LINGO2: variants seen among roughly 807,000 people sequenced by gnomAD.
The protein encoded by LINGO2 is leucine-rich repeat and immunoglobulin-like domain-containing nogo receptor-interacting protein 2.
LINGO2 carries 14 observed loss-of-function variants against 30.6 expected under a neutral mutation model. The ratio of observed to expected loss-of-function variants is 0.46; its 90% confidence interval spans 0.30 to 0.72. The LOEUF (loss-of-function observed/expected upper bound fraction) is 0.72. Ranked by LOEUF, LINGO2 falls within the 30% of genes least tolerant of loss-of-function variation. The probability of loss-of-function intolerance (pLI) is 0.07; values close to 1 mark genes in which losing one functional copy is unlikely to be tolerated. For missense variants in LINGO2, 729 were observed against 751.7 expected (o/e 0.97, Z 0.35); for synonymous variants, 317 against 288.5 (o/e 1.10, Z -1.00).
intron 4 of LINGO2, among the ~76,000 whole-genome samples, chr9:28,048,120 A>G (rs966441829): frequency 1.3e-5 from 2 of 150,894 alleles, no homozygotes; most frequent in African/African-American, 4.9e-5. Context: ...AAAATTAGAA[A>G]TAAATCCAAA....
chr9:28,142,146 ACTTT>A (rs1038896932), intron 4 of LINGO2, among the ~76,000 whole-genome samples: 9 of 126,390 alleles, frequency 7.1e-5, no homozygotes, highest in African/African-American at 2.6e-4. Context: ...TGATTGGGTT[ACTTT>A]CTTTGTCTTT....
At chr9:28,605,999 T>C (rs548551650) in intron 1 of LINGO2, among the ~76,000 whole-genome samples, 3 of 148,302 alleles carry the variant, frequency 2.0e-5, no homozygotes, top group African/African-American at 7.4e-5. Context: ...CAAGTATCAA[T>C]TACACTATAG....
At chr9:27,984,693 G>T (rs1053754305) in intron 5 of LINGO2, among the ~76,000 whole-genome samples, 1 of 151,768 alleles carries the variant, frequency 6.6e-6, no homozygotes, top group Non-Finnish European at 1.5e-5. Context: ...GCTGGCTCTT[G>T]ATCTTTAGAA....
chr9:28,017,904 C>T (rs1268177664), intron 4 of LINGO2, among the ~76,000 whole-genome samples: 2 of 152,114 alleles, frequency 1.3e-5, no homozygotes, highest in African/African-American at 4.8e-5. Context: ...CCAAGGCAAT[C>T]CTAAGCATAA....
chr9:28,402,184 T>G (rs137904737), intron 2 of LINGO2, among the ~76,000 whole-genome samples: 1 of 151,014 alleles, frequency 6.6e-6, no homozygotes, highest in African/African-American at 2.4e-5. Context: ...TGTCATTTTA[T>G]GAGTACTTAT....
chr9:28,220,667 A>T (rs4281181), intron 4 of LINGO2, among the ~76,000 whole-genome samples: 130,140 of 152,102 alleles, frequency 0.86, 55,931 homozygotes, highest in Non-Finnish European at 0.9. Flanking sequence ...CTCATATGGG[A>T]CAGTTTACAT....
chr9:28,300,167 G>A (rs554919408), intron 3 of LINGO2, among the ~76,000 whole-genome samples: 1 of 150,614 alleles, frequency 6.6e-6, no homozygotes, highest in South Asian at 2.1e-4. Context: ...AGAAGACTGT[G>A]TTGATAGACT....
chr9:28,762,269 T>C, the LINGO2 span, among the ~76,000 whole-genome samples: 3 of 151,926 alleles, frequency 2.0e-5, no homozygotes, highest in Admixed American at 6.6e-5. Context: ...TTTAGTGTCA[T>C]GGAGACGTAT....
intron 4 of LINGO2, among the ~76,000 whole-genome samples, chr9:28,135,482 T>C (rs1054776344): frequency 5.3e-5 from 8 of 151,750 alleles, no homozygotes; most frequent in African/African-American, 1.9e-4. Context: ...TATTGTTTTA[T>C]TTATAAAACC....
chr9:28,679,551 A>C, the LINGO2 span, among the ~76,000 whole-genome samples: 1 of 152,116 alleles, frequency 6.6e-6, no homozygotes, highest in Admixed American at 6.6e-5. Context: ...TAGGACTGGC[A>C]TACGAAAAGC....
intron 4 of LINGO2, among the ~76,000 whole-genome samples, chr9:28,143,663 CA>C (rs1334512721): frequency 1.8e-4 from 28 of 151,610 alleles, no homozygotes; most frequent in Admixed American, 1.8e-3. Context: ...ACATAAACAC[CA>C]AGGGAAAAGA....
intron 3 of LINGO2, among the ~76,000 whole-genome samples, chr9:28,365,445 C>T (rs1820626462): frequency 6.6e-6 from 1 of 152,124 alleles, no homozygotes; most frequent in African/African-American, 2.4e-5. Context: ...TATTTTCAAA[C>T]AGGCTGTATA....
At chr9:28,386,359 G>A (rs78499535) in intron 2 of LINGO2, among the ~76,000 whole-genome samples, 2,409 of 152,180 alleles carry the variant, frequency 0.016, 62 homozygotes, top group East Asian at 0.094. Context: ...GTGTGGGGGC[G>A]GGTGTGTTTA....
the LINGO2 span, among the ~76,000 whole-genome samples, chr9:29,115,934 A>G: frequency 1.3e-5 from 2 of 152,220 alleles, no homozygotes; most frequent in South Asian, 2.1e-4. Context: ...TTTTAACTGT[A>G]TATCACTTAT....
At chr9:28,610,059 G>T (rs1411559124) in intron 1 of LINGO2, among the ~76,000 whole-genome samples, 1 of 151,946 alleles carries the variant, frequency 6.6e-6, no homozygotes, top group Non-Finnish European at 1.5e-5. Flanking sequence ...GTTAATAGTG[G>T]TTACCCCATT....
the LINGO2 span, among the ~76,000 whole-genome samples, chr9:29,099,795 T>C: frequency 1.3e-5 from 2 of 152,120 alleles, no homozygotes; most frequent in African/African-American, 2.4e-5. Flanking sequence ...ATGTAAATTA[T>C]TACAACCACT....
At chr9:28,155,776 A>C (rs767464861) in intron 4 of LINGO2, among the ~76,000 whole-genome samples, 1 of 152,190 alleles carries the variant, frequency 6.6e-6, no homozygotes, top group Non-Finnish European at 1.5e-5. Context: ...TTATCTCACA[A>C]AGTCACAGTC....
At chr9:28,708,632 G>A in the LINGO2 span, among the ~76,000 whole-genome samples, 16 of 152,002 alleles carry the variant, frequency 1.1e-4, no homozygotes, top group African/African-American at 1.4e-4. Context: ...GAACTCAGCC[G>A]AGAAAGCCAG....
chr9:28,262,499 C>T (rs1327151907), intron 4 of LINGO2, among the ~76,000 whole-genome samples: 1 of 151,822 alleles, frequency 6.6e-6, no homozygotes, highest in Non-Finnish European at 1.5e-5. Flanking sequence ...CAACACATAA[C>T]ATATAAAGAC....
Sources: allele counts gnomAD v4.1 joint callset (sites outside exome capture counted in the v4.1 genomes callset), GRCh38; gene constraint gnomAD v4.1.1; transcripts MANE v1.5; gene names NCBI Gene and HGNC (gene_info 2026-07-23, HGNC 2026-07-21).